NXPE2: variants seen among roughly 807,000 people sequenced by gnomAD.
NXPE2 encodes the protein NXPE family member 2.
Under a neutral mutation model 34.4 loss-of-function variants are expected in NXPE2, and 34 were observed. That is an observed-to-expected ratio of 0.99 (90% confidence interval 0.75 to 1.31). The LOEUF (loss-of-function observed/expected upper bound fraction) is 1.31. NXPE2 is among the 40% of genes most tolerant of loss of function. The probability of loss-of-function intolerance (pLI) is 0.00; values close to 1 mark genes in which losing one functional copy is unlikely to be tolerated. For synonymous variants in NXPE2, 235 were observed against 231.3 expected, an observed-to-expected ratio of 1.02 and a Z score of -0.15; for missense variants, 649 against 672.5, an observed-to-expected ratio of 0.97 and a Z score of 0.39.
At chr11:114,806,370 GGC>G in the NXPE2 span, among the ~76,000 whole-genome samples, 1 of 152,186 alleles carries the variant, frequency 6.6e-6, no homozygotes, top group Non-Finnish European at 1.5e-5. Context: ...GTTGAGAGAA[GGC>G]AGCTTCAGAT....
At chr11:114,703,541 T>G (rs1422741430) in intron 3 of NXPE2, among the ~76,000 whole-genome samples, 2 of 152,140 alleles carry the variant, frequency 1.3e-5, no homozygotes, top group African/African-American at 4.8e-5. Flanking sequence ...CGCTCAAGTT[T>G]GAGAAACACT....
chr11:114,591,795 A>T, the NXPE2 span, among the ~76,000 whole-genome samples: 3 of 152,088 alleles, frequency 2.0e-5, no homozygotes, highest in Non-Finnish European at 4.4e-5. Flanking sequence ...TGGCCTACAA[A>T]TCTGTAGGTG....
At chr11:114,557,654 TATATATATATATATATATAA>T in the NXPE2 span, among the ~76,000 whole-genome samples, 2 of 141,050 alleles carry the variant, frequency 1.4e-5, no homozygotes, top group African/African-American at 5.3e-5. Flanking sequence ...TATATATATA[TATATATATATATATATATAA>T]AATCCTTGTT....
the NXPE2 span, among the ~76,000 whole-genome samples, chr11:114,671,965 T>G: frequency 6.6e-6 from 1 of 152,008 alleles, no homozygotes; most frequent in Non-Finnish European, 1.5e-5. Context: ...CTGTACAGGC[T>G]TCTACTTCTA....
the NXPE2 span, chr11:114,554,243 C>T: frequency 1.0e-6 from 1 of 976,534 alleles, no homozygotes; most frequent in Non-Finnish European, 1.2e-6. Context: ...CTTTCCTGGC[C>T]TCTATTGTAT....
chr11:114,745,919 T>C, the NXPE2 span, among the ~76,000 whole-genome samples: 1 of 152,284 alleles, frequency 6.6e-6, no homozygotes, highest in African/African-American at 2.4e-5. Flanking sequence ...TGCATTTTAA[T>C]AAGTTTACAA....
the NXPE2 span, among the ~76,000 whole-genome samples, chr11:114,807,275 T>C: frequency 2.0e-5 from 3 of 152,120 alleles, no homozygotes; most frequent in South Asian, 4.1e-4. Flanking sequence ...AGGAAGAAAC[T>C]GCATCAACTA....
chr11:114,604,304 A>G, the NXPE2 span, among the ~76,000 whole-genome samples: 2 of 151,994 alleles, frequency 1.3e-5, no homozygotes, highest in African/African-American at 4.8e-5. Flanking sequence ...GTGGGTAACA[A>G]TTCTTACCCT....
chr11:114,762,261 T>C, the NXPE2 span, among the ~76,000 whole-genome samples: 1 of 152,066 alleles, frequency 6.6e-6, no homozygotes, highest in African/African-American at 2.4e-5. Context: ...GTCCCGGGGC[T>C]TGTCAGTGTA....
At chr11:114,772,635 C>T in the NXPE2 span, among the ~76,000 whole-genome samples, 2 of 152,074 alleles carry the variant, frequency 1.3e-5, no homozygotes, top group African/African-American at 2.4e-5. Flanking sequence ...CTCACTGAAT[C>T]AAGCAGAGAA....
the NXPE2 span, among the ~76,000 whole-genome samples, chr11:114,635,860 G>T: frequency 1.3e-5 from 2 of 151,940 alleles, no homozygotes. Context: ...TGCTGTATTC[G>T]GTTTGCCAGT....
At chr11:114,536,518 A>G in the NXPE2 span, among the ~76,000 whole-genome samples, 14 of 152,292 alleles carry the variant, frequency 9.2e-5, no homozygotes, top group African/African-American at 3.4e-4. Context: ...AGATCAACAA[A>G]ATTGATAGAC....
chr11:114,631,815 G>C, the NXPE2 span, among the ~76,000 whole-genome samples: 3 of 151,566 alleles, frequency 2.0e-5, no homozygotes, highest in East Asian at 5.8e-4. Flanking sequence ...AATAAGTATT[G>C]CCTCATGGGT....
chr11:114,640,785 C>A, the NXPE2 span, among the ~76,000 whole-genome samples: 1 of 152,006 alleles, frequency 6.6e-6, no homozygotes, highest in South Asian at 2.1e-4. Flanking sequence ...GTAATTTACT[C>A]ACTTTATAAT....
At chr11:114,553,999 T>C in the NXPE2 span, 2 of 985,416 alleles carry the variant, frequency 2.0e-6, no homozygotes, top group Non-Finnish European at 2.4e-6. Context: ...CTTGTCCAAT[T>C]GCAATGTTTT....
At chr11:114,621,186 T>A in the NXPE2 span, among the ~76,000 whole-genome samples, 1 of 152,186 alleles carries the variant, frequency 6.6e-6, no homozygotes. Context: ...GCCTCGTGGG[T>A]AACCACTGTT....
chr11:114,707,896 A>G (rs1015221010), downstream of NXPE2, among the ~76,000 whole-genome samples: 9 of 152,228 alleles, frequency 5.9e-5, no homozygotes, highest in Non-Finnish European at 1.2e-4. Context: ...AGACTGAATA[A>G]TATTCCGTTG....
the NXPE2 span, among the ~76,000 whole-genome samples, chr11:114,504,443 C>T: frequency 6.6e-6 from 1 of 152,176 alleles, no homozygotes; most frequent in African/African-American, 2.4e-5. Flanking sequence ...TCACCAACTG[C>T]CTTGCCTCTA....
the NXPE2 span, among the ~76,000 whole-genome samples, chr11:114,610,448 G>A: frequency 3.3e-5 from 5 of 151,958 alleles, no homozygotes; most frequent in South Asian, 8.3e-4. Flanking sequence ...CTGTTTCCCG[G>A]TGGATAATAA....
Sources: allele counts gnomAD v4.1 joint callset (sites outside exome capture counted in the v4.1 genomes callset), GRCh38; gene constraint gnomAD v4.1.1; transcripts MANE v1.5; gene names NCBI Gene and HGNC (gene_info 2026-07-23, HGNC 2026-07-21).